ADGRG6: variants seen among roughly 807,000 people sequenced by gnomAD.
The protein encoded by ADGRG6 is adhesion G protein-coupled receptor G6.
In ADGRG6, 84 loss-of-function variants were observed where a neutral mutation model predicts 142.4. That is an observed-to-expected ratio of 0.59 (90% CI 0.49 to 0.71). ADGRG6 has a LOEUF of 0.71. Among genes scored for constraint, ADGRG6 ranks in the 30% least tolerant of loss-of-function variants. The pLI, the probability that ADGRG6 is intolerant of heterozygous loss-of-function variation, is 0.00. For missense variants in ADGRG6, 1,367 were observed against 1,466.6 expected (o/e 0.93, Z 1.11); for synonymous variants, 521 against 520.5 (o/e 1.00, Z -0.01).
chr6:142,426,685 G>T (rs1776963142), intron 22 of ADGRG6, among the ~76,000 whole-genome samples: 1 of 152,168 alleles, frequency 6.6e-6, no homozygotes, highest in Non-Finnish European at 1.5e-5. Context: ...CCTCTGTACT[G>T]CCCTAGCGGA....
At chr6:142,411,072 A>G (rs190105196) in intron 17 of ADGRG6, among the ~76,000 whole-genome samples, 8 of 152,282 alleles carry the variant, frequency 5.3e-5, no homozygotes, top group Admixed American at 3.3e-4. Flanking sequence ...GGAACTCTCA[A>G]GTTTGAACCT....
chr6:142,394,509 A>G (rs905880105), intron 9 of ADGRG6, among the ~76,000 whole-genome samples: 1 of 151,972 alleles, frequency 6.6e-6, no homozygotes, highest in Admixed American at 6.6e-5. Context: ...AAACAAAAAA[A>G]CCCTAAATTT....
rs148189256 is a variant in ADGRG6, at chr6:142,304,795, C to A, written c.2+2464C>A. Among the ~76,000 whole-genome samples, 361 of 152,212 alleles carry A rather than the reference C, an allele frequency of 2.4e-3. 10 individuals carry two copies. Among genetic ancestry groups the A allele is most frequent in the Non-Finnish European group, 2.8e-4 (19 of 67,996 alleles). On this transcript the variant is annotated intron_variant, in intron 1 of 24. Transcript: ENST00000367609. ...ATGCATGGGCAAAAACTGTATCTTT[C>A]CATTTTCATTTCTAATTGGATGAGA...
intron 18 of ADGRG6, 132 bp downstream of exon 18, chr6:142,411,543 T>C: frequency 1.7e-6 from 1 of 576,640 alleles, no homozygotes; most frequent in Non-Finnish European, 3.2e-6. Flanking sequence ...CCGTGAATCT[T>C]AATTCTTAAT....
In ADGRG6 at chr6:142,374,659, A is replaced by G. The variant is rs148420617; in HGVS notation, c.1069+3866A>G. Among the ~76,000 whole-genome samples the G allele has an allele frequency of 9.3e-3, 1,409 of 152,302 alleles. 22 individuals carry two copies. The highest frequency in any genetic ancestry group is 0.031 in the African/African-American group (1,302 of 41,552). On this transcript the variant is annotated intron_variant, in intron 4 of 24. Coordinates refer to ENST00000367609, the MANE Select transcript of ADGRG6 (RefSeq NM_198569.3). ...TTATGCCACTCCCTTTATACGGGCC[A>G]GGAAACTGAAGCTTAGACAAAAAAA...
intron 14 of ADGRG6, 129 bp downstream of exon 14, chr6:142,404,102 G>C (rs1180592702): frequency 1.4e-6 from 1 of 713,482 alleles, no homozygotes; most frequent in East Asian, 2.5e-5. Context: ...TGTTGGCTAA[G>C]TTTAACTAGA....
chr6:142,329,920 G>A (rs532947995), intron 2 of ADGRG6, among the ~76,000 whole-genome samples: 3 of 152,244 alleles, frequency 2.0e-5, no homozygotes, highest in Admixed American at 1.3e-4. Context: ...GGTGAGATAC[G>A]TGAGCACTGA....
chr6:142,400,368 T>A, intron 10 of ADGRG6, 117 bp from the exon 11 acceptor site: 1 of 591,706 alleles, frequency 1.7e-6, no homozygotes, highest in Non-Finnish European at 3.0e-6. Flanking sequence ...ATTTTGGTAT[T>A]ACATTAAAGA....
chr6:142,418,262 A>G (rs1307211310), intron 21 of ADGRG6, among the ~76,000 whole-genome samples: 1 of 149,780 alleles, frequency 6.7e-6, no homozygotes, highest in Non-Finnish European at 1.5e-5. Context: ...TGCACCATGA[A>G]CTCCAGCCTG....
chr6:142,389,378 A>G (rs921324244), intron 6 of ADGRG6, among the ~76,000 whole-genome samples: 1 of 151,934 alleles, frequency 6.6e-6, no homozygotes, highest in Non-Finnish European at 1.5e-5. Context: ...ATGAAGAAAG[A>G]TGATCAACAA....
At chr6:142,406,030 A>G (rs911616460) in intron 15 of ADGRG6, among the ~76,000 whole-genome samples, 15 of 152,180 alleles carry the variant, frequency 9.9e-5, no homozygotes, top group East Asian at 3.8e-4. Flanking sequence ...ATGTACTTCA[A>G]TTTTTAAAAT....
chr6:142,325,074 G>T (rs956440186), intron 2 of ADGRG6, among the ~76,000 whole-genome samples: 1 of 152,040 alleles, frequency 6.6e-6, no homozygotes, highest in African/African-American at 2.4e-5. Context: ...ACAAATCCTC[G>T]TAGCTCATTC....
At chr6:142,334,914 T>C (rs187074416) in intron 2 of ADGRG6, among the ~76,000 whole-genome samples, 26 of 152,290 alleles carry the variant, frequency 1.7e-4, no homozygotes, top group African/African-American at 5.8e-4. Flanking sequence ...AAACAAAATA[T>C]AAGATTTTTT....
chr6:142,358,710 G>A (rs993343495), intron 2 of ADGRG6, among the ~76,000 whole-genome samples: 10 of 151,894 alleles, frequency 6.6e-5, no homozygotes, highest in African/African-American at 2.4e-4. Flanking sequence ...TTTGAGACCA[G>A]CCTGACCAAC....
chr6:142,390,671 TAA>T (rs2114970460), intron 7 of ADGRG6, among the ~76,000 whole-genome samples: 1 of 151,978 alleles, frequency 6.6e-6, no homozygotes, highest in Non-Finnish European at 1.5e-5. Context: ...TAGATTATTT[TAA>T]AAATTGTTTG....
At chr6:142,389,242 G>A (rs1736058084) in intron 6 of ADGRG6, among the ~76,000 whole-genome samples, 2 of 151,806 alleles carry the variant, frequency 1.3e-5, no homozygotes, top group African/African-American at 4.8e-5. Flanking sequence ...ATTCCCAGAG[G>A]CAAACTTTTA....
chr6:142,363,367 A>T (rs796480571), intron 2 of ADGRG6, among the ~76,000 whole-genome samples: 43 of 152,284 alleles, frequency 2.8e-4, no homozygotes, highest in African/African-American at 9.9e-4. Context: ...AATGATTATT[A>T]AATCTATATC....
intron 2 of ADGRG6, among the ~76,000 whole-genome samples, chr6:142,311,018 A>G (rs1370162610): frequency 2.0e-5 from 3 of 151,900 alleles, no homozygotes; most frequent in Non-Finnish European, 4.4e-5. Context: ...GGCACCTCCA[A>G]TTTGGACTTT....
At chr6:142,341,784 A>G (rs1779671568) in intron 2 of ADGRG6, among the ~76,000 whole-genome samples, 1 of 149,648 alleles carries the variant, frequency 6.7e-6, no homozygotes, top group African/African-American at 2.5e-5. Flanking sequence ...CTCTCCTTCT[A>G]AATTGTAAAA....
Sources: gnomAD v4.1 joint callset for allele counts (sites outside exome capture counted in the v4.1 genomes callset) on GRCh38, gnomAD v4.1.1 for gene constraint, MANE v1.5 for transcripts, NCBI Gene and HGNC (gene_info 2026-07-23, HGNC 2026-07-21) for gene names.